The following CCDC73 variants were observed in gnomAD, a reference collection of about 807,000 sequenced individuals.
The protein encoded by CCDC73 is coiled-coil domain-containing protein 73.
CCDC73 carries 95 observed loss-of-function variants against 116.5 expected under a neutral mutation model. The ratio of observed to expected loss-of-function variants is 0.82; its 90% CI spans 0.69 to 0.97. CCDC73 has a LOEUF of 0.97. CCDC73 is among the 50% of genes least tolerant of loss of function. The pLI is 0.00. For missense variants in CCDC73, 1,066 were observed against 1,206.8 expected (o/e 0.88, Z 1.73); for synonymous variants, 398 against 401.3 (o/e 0.99, Z 0.10).
chr11:32,741,854 T>G (rs1484966949), intron 2 of CCDC73, among the ~76,000 whole-genome samples: 1 of 152,044 alleles, frequency 6.6e-6, no homozygotes, highest in Admixed American at 6.6e-5. Context: ...TTCCTCTCCC[T>G]GTGTCCATGT....
chr11:32,760,056 TG>T, intron 2 of CCDC73, 52 bp downstream of exon 2: 1 of 1,453,184 alleles, frequency 6.9e-7, no homozygotes, highest in South Asian at 1.2e-5. Context: ...AACAATAAAC[TG>T]AACAAAATCA....
intron 1 of CCDC73, among the ~76,000 whole-genome samples, chr11:32,762,488 C>G (rs774116732): frequency 1.3e-5 from 2 of 152,128 alleles, no homozygotes; most frequent in African/African-American, 2.4e-5. Flanking sequence ...AAGAGACTCA[C>G]TACATTAAGT....
chr11:32,685,755 C>G (rs1236035312), intron 6 of CCDC73, among the ~76,000 whole-genome samples: 1 of 131,996 alleles, frequency 7.6e-6, no homozygotes, highest in African/African-American at 2.9e-5. Context: ...TGGAGTCTTG[C>G]TCTGTCACCA....
intron 2 of CCDC73, among the ~76,000 whole-genome samples, chr11:32,752,916 C>CCTCA (rs1850299085): frequency 6.6e-6 from 1 of 152,176 alleles, no homozygotes; most frequent in Admixed American, 6.5e-5. Flanking sequence ...GATCCTCCTG[C>CCTCA]CTCAGCCTCC....
chr11:32,817,677 G>A, the CCDC73 span, among the ~76,000 whole-genome samples: 7 of 152,134 alleles, frequency 4.6e-5, no homozygotes, highest in Admixed American at 2.6e-4. Flanking sequence ...ACTGACTCAC[G>A]TACAAACTCT....
chr11:32,712,603 G>GA (rs1451914098), intron 3 of CCDC73, among the ~76,000 whole-genome samples: 4 of 151,530 alleles, frequency 2.6e-5, no homozygotes, highest in Non-Finnish European at 5.9e-5. Flanking sequence ...AACTGAAAAA[G>GA]AAAAACTCAT....
chr11:32,660,241 A>G (rs1043586877), intron 9 of CCDC73, among the ~76,000 whole-genome samples: 4 of 150,278 alleles, frequency 2.7e-5, no homozygotes, highest in African/African-American at 9.8e-5. Flanking sequence ...AAAAAAAAAA[A>G]AAAAAAAAAA....
At chr11:32,633,471 G>T (rs1855650394) in intron 14 of CCDC73, among the ~76,000 whole-genome samples, 1 of 152,072 alleles carries the variant, frequency 6.6e-6, no homozygotes, top group African/African-American at 2.4e-5. Context: ...CCCCAAATCA[G>T]ATTCATTAGG....
At chr11:32,786,889 G>A (rs558669702) in intron 1 of CCDC73, among the ~76,000 whole-genome samples, 16 of 152,160 alleles carry the variant, frequency 1.1e-4, no homozygotes, top group African/African-American at 3.1e-4. Context: ...CATCATGCCT[G>A]ACTTTTAAGT....
the CCDC73 span, chr11:32,829,868 C>T: frequency 1.0e-6 from 1 of 985,572 alleles, no homozygotes; most frequent in Non-Finnish European, 1.2e-6. Context: ...CGCAGGTAGG[C>T]CCGGCCCCCG....
chr11:32,818,209 C>T, the CCDC73 span, among the ~76,000 whole-genome samples: 7 of 152,354 alleles, frequency 4.6e-5, no homozygotes, highest in East Asian at 1.3e-3. Context: ...TGTTTGGTTA[C>T]TTGTGTGCTG....
chr11:32,646,153 A>G (rs1855777166), intron 12 of CCDC73, among the ~76,000 whole-genome samples: 2 of 152,346 alleles, frequency 1.3e-5, no homozygotes, highest in South Asian at 2.1e-4. Context: ...TCTGCACCCA[A>G]TAACTCTATC....
intron 2 of CCDC73, 68 bp from the exon 3 acceptor site, chr11:32,718,215 T>C: frequency 9.5e-7 from 1 of 1,049,270 alleles, no homozygotes; most frequent in Non-Finnish European, 1.4e-6. Flanking sequence ...TTCAGCTCTT[T>C]CTGGAGAGAT....
At chr11:32,618,907 T>C (rs1416421691) in intron 14 of CCDC73, among the ~76,000 whole-genome samples, 2 of 152,186 alleles carry the variant, frequency 1.3e-5, no homozygotes, top group African/African-American at 4.8e-5. Context: ...CTTTGTGGTG[T>C]TGATTTGCAT....
chr11:32,626,727 G>T (rs1468188026), intron 14 of CCDC73, among the ~76,000 whole-genome samples: 1 of 152,192 alleles, frequency 6.6e-6, no homozygotes, highest in Middle Eastern at 3.2e-3. Context: ...ATGGGGAAAG[G>T]ATTCCCTATT....
intron 6 of CCDC73, among the ~76,000 whole-genome samples, chr11:32,695,368 CA>C (rs34683408): frequency 1.9e-3 from 238 of 122,562 alleles, no homozygotes; most frequent in Middle Eastern, 4.5e-3. Flanking sequence ...GACTCCATCT[CA>C]AAAAAAAAAA....
intron 12 of CCDC73, among the ~76,000 whole-genome samples, chr11:32,643,839 T>A (rs897745886): frequency 1.3e-5 from 2 of 152,072 alleles, no homozygotes; most frequent in Non-Finnish European, 2.9e-5. Context: ...TTTTCTTTCT[T>A]CAATAATAAA....
At chr11:32,665,864 A>C (rs1177821520) in intron 9 of CCDC73, among the ~76,000 whole-genome samples, 1 of 152,138 alleles carries the variant, frequency 6.6e-6, no homozygotes, top group African/African-American at 2.4e-5. Flanking sequence ...GTAGTGACAA[A>C]ATCTCTCAGC....
chr11:32,662,615 A>AT (rs952616809), intron 9 of CCDC73, among the ~76,000 whole-genome samples: 1 of 151,460 alleles, frequency 6.6e-6, no homozygotes, highest in African/African-American at 2.4e-5. Flanking sequence ...AGATTGCAAA[A>AT]TTTTTTTCCC....
Sources: gnomAD v4.1 joint callset for allele counts (sites outside exome capture counted in the v4.1 genomes callset) on GRCh38, gnomAD v4.1.1 for gene constraint, MANE v1.5 for transcripts, NCBI Gene and HGNC (gene_info 2026-07-23, HGNC 2026-07-21) for gene names.